The following C1GALT1 variants were observed in gnomAD, a reference collection of about 807,000 sequenced individuals.
The protein encoded by C1GALT1 is glycoprotein-N-acetylgalactosamine 3-beta-galactosyltransferase 1.
C1GALT1 carries 11 observed loss-of-function variants against 31.0 expected under a neutral mutation model. The ratio of observed to expected loss-of-function variants is 0.36; its 90% confidence interval spans 0.22 to 0.59. The LOEUF (loss-of-function observed/expected upper bound fraction) is 0.59. Ranked by LOEUF, C1GALT1 falls within the 20% of genes least tolerant of loss-of-function variation. The pLI is 0.79. For missense variants in C1GALT1, 424 were observed against 425.2 expected (o/e 1.00, Z 0.03); for synonymous variants, 175 against 143.6 (o/e 1.22, Z -1.56).
Position 7,234,380 on chromosome 7 carries a change from C to A in C1GALT1, c.61C>A (p.Leu21Ile), listed in dbSNP as rs773866551. 6 of 1,613,952 alleles carry A rather than the reference C, an allele frequency of 3.7e-6. No individual in the cohort carries two copies. In the Admixed American group the frequency reaches 6.7e-5, roughly 18 times the overall value. The part of the protein sequence containing the change: ...TFLCGSAIGF[L>I]LCSQLFSILL... ...CCTCTGTGGATCAGCAATAGGATTT[C>A]TTTTATGTTCTCAGCTATTTAGTAT... The change falls in exon 2 of 4, where the codon CTT becomes ATT. Residue 21 changes from leucine (L) to isoleucine (I), a missense_variant. Coordinates refer to ENST00000436587, the MANE Select transcript of C1GALT1 (RefSeq NM_020156.5).
intron 1 of C1GALT1, among the ~76,000 whole-genome samples, chr7:7,206,137 T>G (rs1271757590): frequency 1.3e-5 from 2 of 152,212 alleles, no homozygotes; most frequent in South Asian, 2.1e-4. Flanking sequence ...CACCACTTAT[T>G]GATGTTGCAG....
chr7:7,179,506 G>C (rs140574520), upstream of C1GALT1, among the ~76,000 whole-genome samples: 8 of 152,268 alleles, frequency 5.3e-5, no homozygotes, highest in East Asian at 1.5e-3. Flanking sequence ...TAATGTTGTT[G>C]CTAGCTTGTT....
intron 1 of C1GALT1, among the ~76,000 whole-genome samples, chr7:7,188,858 A>G (rs1337089101): frequency 6.6e-6 from 1 of 152,196 alleles, no homozygotes; most frequent in African/African-American, 2.4e-5. Context: ...ACTAACCGAT[A>G]AGCATGATCT....
intron 1 of C1GALT1, among the ~76,000 whole-genome samples, chr7:7,190,952 CT>C (rs796596173): frequency 5.9e-4 from 90 of 151,318 alleles, no homozygotes; most frequent in African/African-American, 1.7e-3. Context: ...TCATTGATAC[CT>C]TTTTTTTTCC....
chr7:7,234,219 A>G (rs1783228776), intron 1 of C1GALT1, 84 bp from the exon 2 acceptor site: 6 of 963,462 alleles, frequency 6.2e-6, no homozygotes, highest in African/African-American at 1.6e-5. Context: ...ACTTTCCGTT[A>G]TAGCTAAATG....
intron 1 of C1GALT1, among the ~76,000 whole-genome samples, chr7:7,223,576 GTTT>G (rs918342721): frequency 2.6e-4 from 40 of 152,060 alleles, no homozygotes; most frequent in African/African-American, 9.4e-4. Flanking sequence ...GTTTTTGTTT[GTTT>G]TTTATTATTT....
At chr7:7,193,679 G>A (rs1261219338) in intron 1 of C1GALT1, among the ~76,000 whole-genome samples, 1 of 151,960 alleles carries the variant, frequency 6.6e-6, no homozygotes, top group Non-Finnish European at 1.5e-5. Context: ...AGTTTCATAT[G>A]AATTTTAGGA....
intron 1 of C1GALT1, among the ~76,000 whole-genome samples, chr7:7,226,234 A>AT (rs35109779): frequency 8.7e-6 from 1 of 115,566 alleles, no homozygotes; most frequent in Non-Finnish European, 1.8e-5. Flanking sequence ...TGTATCAAAA[A>AT]TTATTTTAAT....
chr7:7,229,606 G>A (rs1782971047), intron 1 of C1GALT1, among the ~76,000 whole-genome samples: 1 of 152,102 alleles, frequency 6.6e-6, no homozygotes, highest in Non-Finnish European at 1.5e-5. Flanking sequence ...TTCAAACCAA[G>A]ATTTCTGGTT....
chr7:7,185,820 G>A (rs4720726), intron 1 of C1GALT1, among the ~76,000 whole-genome samples: 68,675 of 151,978 alleles, frequency 0.45, 16,576 homozygotes, highest in East Asian at 0.78. Flanking sequence ...TGTAACAGTT[G>A]CACGGTTTAT....
intron 1 of C1GALT1, among the ~76,000 whole-genome samples, chr7:7,201,675 C>G (rs991166126): frequency 6.6e-6 from 1 of 152,204 alleles, no homozygotes; most frequent in African/African-American, 2.4e-5. Flanking sequence ...CCCAAGGTGC[C>G]TCTTCCAGCA....
At chr7:7,220,064 AT>A (rs1258888914) in intron 1 of C1GALT1, among the ~76,000 whole-genome samples, 1 of 152,084 alleles carries the variant, frequency 6.6e-6, no homozygotes. Flanking sequence ...AATGCTTTTT[AT>A]TTTTTATTAA....
chr7:7,237,885 C>T (rs930206448), intron 2 of C1GALT1, among the ~76,000 whole-genome samples: 2 of 152,088 alleles, frequency 1.3e-5, no homozygotes, highest in Non-Finnish European at 2.9e-5. Flanking sequence ...TTTAGCATGC[C>T]TATGAAGCAC....
upstream of C1GALT1, among the ~76,000 whole-genome samples, chr7:7,180,588 TAGAG>T (rs1332930683): frequency 2.0e-5 from 3 of 152,240 alleles, no homozygotes; most frequent in Non-Finnish European, 2.9e-5. Context: ...CTTTTATTCT[TAGAG>T]AGATGCCTAG....
intron 2 of C1GALT1, among the ~76,000 whole-genome samples, chr7:7,165,807 A>C (rs1173672265): frequency 6.6e-6 from 1 of 152,188 alleles, no homozygotes; most frequent in Non-Finnish European, 1.5e-5. Flanking sequence ...TACGAGTGGA[A>C]AATTCCACAC....
chr7:7,245,465 A>C lies in C1GALT1; in HGVS notation c.*1738A>C, dbSNP rs1235630613. 6 of 152,246 alleles carry C rather than the reference A, an allele frequency of 3.9e-5. No individual in the cohort carries two copies. Among genetic ancestry groups the C allele is most frequent in the Admixed American group, 1.3e-4 (2 of 15,284 alleles). 9.4% of individuals were successfully genotyped at this position (152,246 alleles called of 1,614,324 possible). On this transcript the variant is annotated 3_prime_UTR_variant, in exon 4 of 4. Coordinates refer to ENST00000436587, the MANE Select transcript of C1GALT1 (RefSeq NM_020156.5). ...AGTGCTGGGATTACGAGCGTGAGTCACAGCACCCGGCTAAGTAATTTCTAT... is the reference window on the plus strand; with the variant it reads ...AGTGCTGGGATTACGAGCGTGAGTCCCAGCACCCGGCTAAGTAATTTCTAT...
chr7:7,213,377 C>T lies in C1GALT1; in HGVS notation c.-17-20926C>T, dbSNP rs184315535. Among the ~76,000 whole-genome samples, 447 of 152,224 alleles carry T rather than the reference C, an allele frequency of 2.9e-3. 4 individuals carry two copies. Among genetic ancestry groups the T allele is most frequent in the African/African-American group, 0.01 (416 of 41,528 alleles). ...TAATTGTGATTGACAGCATGTACTT[C>T]GGCATTAGAATTTTAGAAATCCCAT... On this transcript the variant is annotated intron_variant, in intron 1 of 3. Coordinates refer to ENST00000436587, the MANE Select transcript of C1GALT1 (RefSeq NM_020156.5).
chr7:7,217,273 A>C (rs1181620809), intron 1 of C1GALT1, among the ~76,000 whole-genome samples: 1 of 152,164 alleles, frequency 6.6e-6, no homozygotes, highest in Non-Finnish European at 1.5e-5. Context: ...AGAAGAAAGA[A>C]GGTAGAAGGA....
chr7:7,175,748 C>G (rs971363730), intron 2 of C1GALT1, among the ~76,000 whole-genome samples: 2 of 152,046 alleles, frequency 1.3e-5, no homozygotes, highest in South Asian at 4.2e-4. Flanking sequence ...ATTTTTCACA[C>G]TTTTGGAGGC....
Sources: gnomAD v4.1 joint callset for allele counts (sites outside exome capture counted in the v4.1 genomes callset) on GRCh38, gnomAD v4.1.1 for gene constraint, MANE v1.5 for transcripts, NCBI Gene and HGNC (gene_info 2026-07-23, HGNC 2026-07-21) for gene names.